Variants in FHL1 observed in about 807,000 individuals in gnomAD.
FHL1 encodes four and a half LIM domains 1.
FHL1 carries 1 observed loss-of-function variant against 20.3 expected under a neutral mutation model. The observed-to-expected ratio is 0.05, with a 90% confidence interval of 0.02 to 0.23. FHL1 has a LOEUF of 0.23. Ranked by LOEUF, FHL1 falls within the 10% of genes least tolerant of loss-of-function variation. The pLI, the probability that FHL1 is intolerant of heterozygous loss-of-function variation, is 1.00. For missense variants in FHL1, 177 were observed against 234.0 expected (o/e 0.76, Z 1.59); for synonymous variants, 82 against 88.9 (o/e 0.92, Z 0.44).
At chrX:136,195,712 A>G (rs893566365), upstream of FHL1, among the ~76,000 whole-genome samples, 2 of 112,140 alleles carry the variant, frequency 1.8e-5, no homozygotes, top group Non-Finnish European at 3.8e-5. Context: ...TCATTTATTC[A>G]TGGAGCATTT....
chrX:136,201,696 TG>T (rs1395325893), intron 1 of FHL1, among the ~76,000 whole-genome samples: 3 of 109,878 alleles, frequency 2.7e-5, no homozygotes, highest in Admixed American at 9.6e-5. Flanking sequence ...CCTGGTTGGG[TG>T]GGGGGCCCTC....
At chrX:136,173,799 C>T (rs986811306) in intron 2 of FHL1, among the ~76,000 whole-genome samples, 1 of 108,612 alleles carries the variant, frequency 9.2e-6, no homozygotes, top group Non-Finnish European at 1.9e-5. Context: ...CCCAGGTTCA[C>T]GCCATTCTCC....
At chrX:136,207,212 G>A (rs746167956) in intron 3 of FHL1, 22 bp downstream of exon 3, 9 of 1,185,220 alleles carry the variant, frequency 7.6e-6, no homozygotes, top group East Asian at 3.0e-5. Flanking sequence ...TTCCCACCCC[G>A]GGTTCCCAGG....
chrX:136,165,817 T>C (rs1229437691), upstream of FHL1, among the ~76,000 whole-genome samples: 2 of 112,293 alleles, frequency 1.8e-5, no homozygotes, highest in Non-Finnish European at 3.8e-5. Flanking sequence ...CACAATACTT[T>C]TGCTAAACCT....
intron 1 of FHL1, chrX:136,147,892 C>T (rs376769196): frequency 1.9e-5 from 2 of 104,916 alleles, no homozygotes; most frequent in East Asian, 6.3e-4. Context: ...CGTGCCTCGG[C>T]CTTCCCTGGG....
chrX:136,155,063 G>T (rs1226828119), intron 1 of FHL1, among the ~76,000 whole-genome samples: 1 of 111,914 alleles, frequency 8.9e-6, no homozygotes, highest in African/African-American at 3.2e-5. Context: ...CTCTTCTCCT[G>T]CCCCATTTCA....
chrX:136,175,224 C>A (rs2072971607), intron 2 of FHL1, among the ~76,000 whole-genome samples: 1 of 112,104 alleles, frequency 8.9e-6, no homozygotes, highest in Non-Finnish European at 1.9e-5. Flanking sequence ...GCATGGAAAA[C>A]ACTCAGCCTC....
At chrX:136,164,351 C>T in intron 1 of FHL1, among the ~76,000 whole-genome samples, 1 of 109,234 alleles carries the variant, frequency 9.2e-6, no homozygotes, top group Middle Eastern at 4.6e-3. Flanking sequence ...GAATTACAGG[C>T]ACGCACCACC....
At chrX:136,178,816 G>A (rs1365994230) in intron 2 of FHL1, among the ~76,000 whole-genome samples, 2 of 107,926 alleles carry the variant, frequency 1.9e-5, no homozygotes, top group African/African-American at 6.8e-5. Flanking sequence ...GTGCAATGAC[G>A]TGATCTTGCC....
intron 5 of FHL1, chrX:136,209,194 C>T: frequency 8.7e-7 from 1 of 1,154,897 alleles, no homozygotes; most frequent in Non-Finnish European, 1.2e-6. Context: ...TTCCCATCTT[C>T]CCGGGGAGCC....
rs2300911 is a variant in FHL1 at position 136,199,911 on chromosome X, A to G, written c.22+2777A>G. Among the ~76,000 whole-genome samples, 39 of 112,423 alleles carry G rather than the reference A, an allele frequency of 3.5e-4. 3 individuals carry two copies. The East Asian group carries it at 0.011, about 31-fold the overall frequency. ...AAATACATGTAAAAACACAAGCAAG[A>G]TTTATTAAATACAAATCGACTGTAA... On this transcript the variant is annotated intron_variant, in intron 1 of 5. Transcript: ENST00000370683.
rs1267503065 is a variant in FHL1, at chrX:136,199,572, T to C, written c.22+2438T>C. Among the ~76,000 whole-genome samples, 5 of 112,560 alleles carry C rather than the reference T, an allele frequency of 4.4e-5. No individual in the cohort carries two copies. The East Asian group carries it at 1.4e-3, about 31-fold the overall frequency. On this transcript the variant is annotated intron_variant, in intron 1 of 5. Coordinates refer to ENST00000370683, the MANE Select transcript of FHL1 (RefSeq NM_001159699.2). ...CATGTCTATTACACAAGTGTCCTAT[T>C]CATTGGCTAAGGCTTTGCTCCATCT...
rs570902193 is a variant in FHL1 at position 136,161,952 on chromosome X, G to A, written c.-100-7955G>A. Among the ~76,000 whole-genome samples, 15 of 108,932 alleles carry A rather than the reference G, an allele frequency of 1.4e-4. No homozygotes were observed. In the East Asian group the frequency reaches 3.5e-3, roughly 25 times the overall value. 94.6% of individuals were successfully genotyped at this position (108,932 alleles called of 115,157 possible). On this transcript the variant is annotated intron_variant, in intron 1 of 7. Coordinates refer to the FHL1 transcript ENST00000394155. Reference sequence around the variant, plus strand: ...AGCATGGACAATATGGTGAAACCCCGTTTCTACTAAAAATACAAACATTAG... The same window carrying A: ...AGCATGGACAATATGGTGAAACCCCATTTCTACTAAAAATACAAACATTAG...
chrX:136,178,825 C>A (rs1235241001), intron 2 of FHL1, among the ~76,000 whole-genome samples: 2 of 108,340 alleles, frequency 1.8e-5, no homozygotes, highest in African/African-American at 6.8e-5. Context: ...CGTGATCTTG[C>A]CTCACTGCAA....
At chrX:136,190,281 AC>A (rs1208912316) in intron 2 of FHL1, among the ~76,000 whole-genome samples, 1 of 111,102 alleles carries the variant, frequency 9.0e-6, no homozygotes, top group African/African-American at 3.3e-5. Flanking sequence ...GGCATGGTGA[AC>A]TTGTTGTTTG....
chrX:136,188,767 C>G (rs998520115), intron 2 of FHL1, among the ~76,000 whole-genome samples: 1 of 110,621 alleles, frequency 9.0e-6, no homozygotes, highest in Non-Finnish European at 1.9e-5. Context: ...TGTTTTTGGT[C>G]AAGAGTCGGG....
chrX:136,172,469 T>C (rs1245404273), intron 2 of FHL1, among the ~76,000 whole-genome samples: 1 of 112,310 alleles, frequency 8.9e-6, no homozygotes. Flanking sequence ...AGTAGACAGG[T>C]ATGGATGCAG....
intron 2 of FHL1, among the ~76,000 whole-genome samples, chrX:136,173,696 C>CTTTTT (rs971227072): frequency 2.1e-5 from 2 of 94,921 alleles, no homozygotes; most frequent in African/African-American, 3.8e-5. Flanking sequence ...TGTTTCTTTT[C>CTTTTT]TTTTTTTTTT....
intron 1 of FHL1, among the ~76,000 whole-genome samples, chrX:136,201,314 C>A (rs1373284103): frequency 8.9e-6 from 1 of 112,307 alleles, no homozygotes; most frequent in Non-Finnish European, 1.9e-5. Context: ...TATATTACTT[C>A]TCTCCTGATT....
Sources: gnomAD v4.1 joint callset for allele counts (sites outside exome capture counted in the v4.1 genomes callset) on GRCh38, gnomAD v4.1.1 for gene constraint, MANE v1.5 for transcripts, NCBI Gene and HGNC (gene_info 2026-07-23, HGNC 2026-07-21) for gene names.